The following CTNNA2 variants were observed in gnomAD, a reference collection of about 807,000 sequenced individuals.
CTNNA2 encodes catenin alpha 2.
A neutral mutation model predicts 101.0 loss-of-function variants in CTNNA2; 42 were observed. That is an observed-to-expected ratio of 0.42 (90% CI 0.32 to 0.54). CTNNA2 has a LOEUF of 0.54. Among genes scored for constraint, CTNNA2 ranks in the 20% least tolerant of loss-of-function variants. The pLI is 0.14. For synonymous variants in CTNNA2, 450 were observed against 456.4 expected, an observed-to-expected ratio of 0.99 and a Z score of 0.18; for missense variants, 871 against 1,223.1, an observed-to-expected ratio of 0.71 and a Z score of 4.29.
intron 1 of CTNNA2, among the ~76,000 whole-genome samples, chr2:79,593,892 T>G (rs1050405718): frequency 0.021 from 2,575 of 123,358 alleles, 80 homozygotes; most frequent in African/African-American, 0.071. Flanking sequence ...TTTTTTTTTT[T>G]TTTTTTTTTT....
At chr2:79,285,064 T>C (rs1351560873) in intron 2 of CTNNA2, among the ~76,000 whole-genome samples, 2 of 147,552 alleles carry the variant, frequency 1.4e-5, no homozygotes, top group Admixed American at 1.4e-4. Flanking sequence ...GTTTGTAGTA[T>C]TCTCTGATGG....
At chr2:80,461,692 AG>A (rs1684441858) in intron 9 of CTNNA2, among the ~76,000 whole-genome samples, 1 of 152,136 alleles carries the variant, frequency 6.6e-6, no homozygotes, top group African/African-American at 2.4e-5. Flanking sequence ...AAAAAAAAAA[AG>A]TCTTTTGAAC....
intron 7 of CTNNA2, among the ~76,000 whole-genome samples, chr2:80,124,818 G>A (rs1156774706): frequency 6.6e-6 from 1 of 152,138 alleles, no homozygotes; most frequent in Non-Finnish European, 1.5e-5. Context: ...AAAGACCCCT[G>A]TCAAGCTTTG....
rs67401953 is a variant in CTNNA2 at position 79,840,766 on chromosome 2, CTTTT to C, written c.299-17234_299-17231del. 2.1e-3 allele frequency among the ~76,000 whole-genome samples: 308 copies of C among 143,876 alleles called. 4 individuals are homozygous for C. Among genetic ancestry groups the C allele is most frequent in the African/African-American group, 4.9e-3 (195 of 39,924 alleles). The allele number at this position is 143,876 out of a possible 152,430, so 94.4% of individuals were successfully genotyped here. The stretch of plus-strand genomic sequence containing the variant: ...CAGGCAGGACAGCGAGACTACCTCT[CTTTT>C]TTTTTTTTTTTTGAGACAGAGTCTC... On this transcript the variant is annotated intron_variant, in intron 3 of 18. Transcript: ENST00000402739.
chr2:80,533,634 G>A (rs181420647), intron 9 of CTNNA2, among the ~76,000 whole-genome samples: 1 of 152,238 alleles, frequency 6.6e-6, no homozygotes, highest in East Asian at 1.9e-4. Flanking sequence ...TGCCAGAGAT[G>A]GATCCTGGAG....
intron 7 of CTNNA2, among the ~76,000 whole-genome samples, chr2:80,222,415 T>C (rs2149056969): frequency 6.6e-6 from 1 of 152,290 alleles, no homozygotes; most frequent in Non-Finnish European, 1.5e-5. Flanking sequence ...TTGCAAATCT[T>C]ATATAATGCA....
Position 79,582,470 on chromosome 2 carries a change from G to A in CTNNA2, c.-5-69082G>A, listed in dbSNP as rs575627953. Among the ~76,000 whole-genome samples the A allele has an allele frequency of 1.7e-4, 26 of 152,006 alleles. No homozygotes were observed. In the East Asian group the frequency reaches 3.7e-3, roughly 21 times the overall value. ...CTTACCTTTTTCTGAATATTTTAAA[G>A]CTCCCATTTTATCTCCGCATGCTCA... On this transcript the variant is annotated intron_variant, in intron 1 of 18. Transcript: ENST00000402739.
intron 2 of CTNNA2, among the ~76,000 whole-genome samples, chr2:79,302,622 T>C (rs1389386838): frequency 6.6e-6 from 1 of 152,166 alleles, no homozygotes; most frequent in Non-Finnish European, 1.5e-5. Flanking sequence ...TGTAATTCCT[T>C]AAGACAGGAC....
At chr2:80,184,402 G>T (rs1281697462) in intron 7 of CTNNA2, among the ~76,000 whole-genome samples, 3 of 152,064 alleles carry the variant, frequency 2.0e-5, no homozygotes, top group African/African-American at 4.8e-5. Flanking sequence ...GGCTTTGATG[G>T]CATTCTCATA....
chr2:80,519,534 G>A (rs1689360226), intron 9 of CTNNA2, among the ~76,000 whole-genome samples: 1 of 152,158 alleles, frequency 6.6e-6, no homozygotes, highest in Non-Finnish European at 1.5e-5. Flanking sequence ...CATAAATATT[G>A]GCAACAGCAT....
chr2:79,591,908 A>AT (rs35116136), intron 1 of CTNNA2, among the ~76,000 whole-genome samples: 6,134 of 131,828 alleles, frequency 0.047, 268 homozygotes, highest in African/African-American at 0.12. Flanking sequence ...TGAAAAAAAA[A>AT]TTTTTTTTTT....
chr2:79,285,398 T>A (rs1473387593), intron 2 of CTNNA2, among the ~76,000 whole-genome samples: 1 of 149,576 alleles, frequency 6.7e-6, no homozygotes, highest in Non-Finnish European at 1.5e-5. Flanking sequence ...TTTAGTGCTA[T>A]AAATTTCCCT....
chr2:80,356,530 T>C (rs765352036), intron 7 of CTNNA2, among the ~76,000 whole-genome samples: 33 of 152,126 alleles, frequency 2.2e-4, no homozygotes, highest in Non-Finnish European at 4.6e-4. Flanking sequence ...GCCACTGTCC[T>C]GGCAATGGAG....
intron 7 of CTNNA2, among the ~76,000 whole-genome samples, chr2:79,916,430 T>G (rs886900073): frequency 3.3e-5 from 5 of 151,920 alleles, no homozygotes; most frequent in African/African-American, 1.2e-4. Flanking sequence ...TGCCCTCATC[T>G]CTATTAATTT....
At chr2:79,650,181 G>A (rs1401132097) in intron 1 of CTNNA2, among the ~76,000 whole-genome samples, 1 of 137,880 alleles carries the variant, frequency 7.3e-6, no homozygotes, top group East Asian at 2.5e-4. Flanking sequence ...TTCGGGGGGG[G>A]GGGGGGAGGG....
At chr2:79,691,019 A>G (rs1684260311) in intron 2 of CTNNA2, among the ~76,000 whole-genome samples, 1 of 152,080 alleles carries the variant, frequency 6.6e-6, no homozygotes. Context: ...ACACAACAAA[A>G]GAAAGGTAAC....
chr2:80,349,928 C>G (rs927791135), intron 7 of CTNNA2, among the ~76,000 whole-genome samples: 2 of 152,058 alleles, frequency 1.3e-5, no homozygotes, highest in East Asian at 1.9e-4. Context: ...ATTGTGATGG[C>G]TAGTCCAGGG....
intron 4 of CTNNA2, among the ~76,000 whole-genome samples, chr2:79,479,345 C>A (rs1466451664): frequency 2.6e-5 from 4 of 152,178 alleles, no homozygotes; most frequent in African/African-American, 9.6e-5. Flanking sequence ...CACCCGCTAA[C>A]CCTCTTTGAC....
At chr2:79,785,332 T>C (rs762337498) in intron 3 of CTNNA2, among the ~76,000 whole-genome samples, 2 of 152,220 alleles carry the variant, frequency 1.3e-5, no homozygotes, top group Admixed American at 6.5e-5. Flanking sequence ...TCCAGCCACA[T>C]TGACCACAGA....
Sources: allele counts gnomAD v4.1 joint callset (sites outside exome capture counted in the v4.1 genomes callset), GRCh38; gene constraint gnomAD v4.1.1; transcripts MANE v1.5; gene names NCBI Gene and HGNC (gene_info 2026-07-23, HGNC 2026-07-21).